The following DDX47 variants were observed in gnomAD, a reference collection of about 807,000 sequenced individuals.
DDX47 encodes DEAD-box helicase 47.
A neutral mutation model predicts 58.8 loss-of-function variants in DDX47; 60 were observed. That is an observed-to-expected ratio of 1.02 (90% CI 0.83 to 1.26). The LOEUF (loss-of-function observed/expected upper bound fraction) is 1.26, where lower values mean the gene tolerates loss of function less well. Ranked by LOEUF, DDX47 falls within the 50% of genes most tolerant of loss-of-function variation. The probability of loss-of-function intolerance (pLI) is 0.00; values close to 1 mark genes in which losing one functional copy is unlikely to be tolerated. For missense variants in DDX47, 530 were observed against 573.2 expected (o/e 0.92, Z 0.77); for synonymous variants, 197 against 204.6 (o/e 0.96, Z 0.32).
chr12:12,829,647 C>G lies in DDX47; in HGVS notation c.*93C>G. On this transcript the variant is annotated 3_prime_UTR_variant, in exon 12 of 12. Coordinates refer to ENST00000358007, the MANE Select transcript of DDX47 (RefSeq NM_016355.4). ...CAGAGATCATGAGACTGAAATTGGT[C>G]AGAATTGTGTCCAGAATGTGCTCAG... 2 of 1,470,834 alleles carry G rather than the reference C, an allele frequency of 1.4e-6. No individual in the cohort carries two copies. The highest frequency in any genetic ancestry group is 2.8e-5 in the African/African-American group (2 of 70,854). The allele number at this position is 1,470,834 out of a possible 1,614,324, so 91.1% of individuals were successfully genotyped here. A position where few individuals can be genotyped will look rare whatever the true frequency, so the allele number is the denominator to read the frequency against.
chr12:12,824,069 ACCT>A lies in DDX47; in HGVS notation c.897+57_897+59del, dbSNP rs1329965898. On this transcript the variant is annotated intron_variant, in intron 8 of 11. Transcript: ENST00000358007. ...TGCACTGGTGGCGTGAGCGAGATAA[ACCT>A]CCTAACAGTAGGTTTGTACAATAAG... 6 of 1,576,956 alleles carry A rather than the reference ACCT, an allele frequency of 3.8e-6. No individual in the cohort carries two copies. In the African/African-American group the frequency reaches 4.1e-5, roughly 11 times the overall value.
At chr12:12,819,769 T>C (rs1024700345) in intron 2 of DDX47, among the ~76,000 whole-genome samples, 6 of 152,220 alleles carry the variant, frequency 3.9e-5, no homozygotes, top group Non-Finnish European at 1.5e-5. Context: ...AGTTTTTGGC[T>C]TTTGAGTGTC....
Position 12,827,346 on chromosome 12 carries a change from G to T in DDX47, c.1207G>T (p.Val403Phe), listed in dbSNP as rs763297686. ...DDEVMMLTERVAEAQRFARME... is the reference protein window; with the variant it reads ...DDEVMMLTERFAEAQRFARME... The stretch of plus-strand genomic sequence containing the variant: ...TGAGGTTATGATGCTGACAGAACGC[G>T]TCGCTGAAGCCCAAAGGTTTGCCCG... The change falls in exon 11 of 12, where the codon GTC (valine) becomes TTC (phenylalanine). Residue 403 changes from valine to phenylalanine, a missense_variant. Coordinates refer to ENST00000358007, the MANE Select transcript of DDX47 (RefSeq NM_016355.4). 1.2e-6 allele frequency: 2 copies of T among 1,614,018 alleles called. No homozygotes were observed. The highest frequency in any genetic ancestry group is 1.3e-5 in the African/African-American group (1 of 74,914).
At chr12:12,818,142 C>T (rs990244157) in intron 2 of DDX47, among the ~76,000 whole-genome samples, 3 of 152,112 alleles carry the variant, frequency 2.0e-5, no homozygotes, top group African/African-American at 7.2e-5. Flanking sequence ...TTCATTGTTA[C>T]CTACCCTGCC....
rs757706233 is a variant in DDX47, at chr12:12,814,167, T to C, written c.124T>C (p.Leu42=). Residue 42 remains leucine, a synonymous_variant, in exon 2 of 12, where the codon TTG becomes CTG. Coordinates refer to ENST00000358007, the MANE Select transcript of DDX47 (RefSeq NM_016355.4). ...TDVLCEACDQ[L]GWTKPTKIQI... is the part of the protein sequence containing the mutation. ...TGTGTTGTGTGAAGCTTGTGACCAG[T>C]TGGGATGGACAAAACCCACCAAGAT... The C allele has an allele frequency of 2.5e-6, 4 of 1,613,880 alleles. No individual in the cohort carries two copies. Among genetic ancestry groups the C allele is most frequent in the Middle Eastern group, 1.6e-4 (1 of 6,084 alleles).
At chr12:12,827,969 G>A (rs55708903) in intron 11 of DDX47, among the ~76,000 whole-genome samples, 2,101 of 138,164 alleles carry the variant, frequency 0.015, 42 homozygotes, top group African/African-American at 0.054. Flanking sequence ...TCCGCCTCCC[G>A]GGTTCAAGCG....
chr12:12,823,071 C>A, intron 6 of DDX47, 132 bp from the exon 7 acceptor site: 1 of 698,224 alleles, frequency 1.4e-6, no homozygotes, highest in Middle Eastern at 2.6e-4. Context: ...AATAACCTCC[C>A]ACCAGGTCCC....
chr12:12,821,427 T>C, intron 3 of DDX47, 31 bp downstream of exon 3: 1 of 1,612,506 alleles, frequency 6.2e-7, no homozygotes, highest in African/African-American at 1.3e-5. Flanking sequence ...GGATCCTAGG[T>C]TGCCATCACA....
At chr12:12,828,216 C>T (rs1243908404) in intron 11 of DDX47, among the ~76,000 whole-genome samples, 1 of 152,022 alleles carries the variant, frequency 6.6e-6, no homozygotes, top group Non-Finnish European at 1.5e-5. Flanking sequence ...CATGCCTGAC[C>T]TCGTGTGACA....
At chr12:12,827,495 G>A in intron 11 of DDX47, 120 bp downstream of exon 11, 1 of 1,225,840 alleles carries the variant, frequency 8.2e-7, no homozygotes, top group African/African-American at 1.5e-5. Context: ...CCAAATTTAA[G>A]ACGAGCAAAC....
At chr12:12,820,956 T>C (rs1412636214) in intron 2 of DDX47, among the ~76,000 whole-genome samples, 1 of 152,264 alleles carries the variant, frequency 6.6e-6, no homozygotes, top group Non-Finnish European at 1.5e-5. Flanking sequence ...GTGTTCTCGC[T>C]GTATTTTGCA....
At chr12:12,819,974 G>A (rs1862945427) in intron 2 of DDX47, among the ~76,000 whole-genome samples, 1 of 152,184 alleles carries the variant, frequency 6.6e-6, no homozygotes, top group African/African-American at 2.4e-5. Context: ...TTCAGGTTAT[G>A]TCAGGGAAAA....
chr12:12,822,301 C>G (rs1862986429), intron 5 of DDX47, among the ~76,000 whole-genome samples: 1 of 152,134 alleles, frequency 6.6e-6, no homozygotes, highest in Non-Finnish European at 1.5e-5. Context: ...TTTCTTTTCC[C>G]TTTCGTTTAA....
In DDX47 at chr12:12,821,724, T is replaced by C. The variant is rs1278854960; in HGVS notation, c.440T>C (p.Ile147Thr). The C allele has an allele frequency of 4.4e-6, 7 of 1,607,636 alleles. No homozygotes were observed. Among genetic ancestry groups the C allele is most frequent in the African/African-American group, 1.3e-5 (1 of 74,762 alleles). ...CTTGCAAAAAAACCACATATAATAA[T>C]AGGTGAGTAACTGACAAAGGTAAAA... ...LALAKKPHIIIATPGRLIDHL... is the reference protein window; with the variant it reads ...LALAKKPHIITATPGRLIDHL... Residue 147 changes from isoleucine (I) to threonine (T), a missense_variant and splice_region_variant, in exon 4 of 12, where the codon ATA becomes ACA. Transcript: ENST00000358007.
rs772360289 is a variant in DDX47 at position 12,823,953 on chromosome 12, A to G, written c.834A>G (p.Arg278=). 6.2e-7 allele frequency: 1 copy of G among 1,614,182 alleles called. No homozygotes were observed. Among genetic ancestry groups the G allele is most frequent in the South Asian group, 1.1e-5 (1 of 91,086 alleles). Residue 278 remains arginine, a synonymous_variant, in exon 8 of 12, where the codon AGA becomes AGG. Transcript: ENST00000358007. ...IFCSTCNNTQ[R]TALLLRNLGF... is the part of the protein sequence containing the mutation. Reference sequence around the variant, plus strand: ...GCAGCACCTGTAATAATACCCAGAGAACAGCTTTGCTACTGCGAAATCTTG... The same window carrying G: ...GCAGCACCTGTAATAATACCCAGAGGACAGCTTTGCTACTGCGAAATCTTG...
intron 2 of DDX47, among the ~76,000 whole-genome samples, chr12:12,816,771 C>T (rs959821772): frequency 1.3e-5 from 2 of 152,104 alleles, no homozygotes; most frequent in African/African-American, 4.8e-5. Flanking sequence ...GGATAAGGAC[C>T]GTATAAAGGC....
chr12:12,819,801 C>A (rs75996532), intron 2 of DDX47, among the ~76,000 whole-genome samples: 2 of 152,248 alleles, frequency 1.3e-5, no homozygotes, highest in Non-Finnish European at 2.9e-5. Context: ...ATGTGTGAGT[C>A]ACCCACATTT....
Position 12,814,090 on chromosome 12 carries a change from T to G in DDX47, c.88-41T>G, listed in dbSNP as rs746355958. 114 of 1,218,672 alleles carry G rather than the reference T, an allele frequency of 9.4e-5. No homozygotes were observed. The South Asian group carries it at 9.9e-4, about 11-fold the overall frequency. 75.5% of individuals were successfully genotyped at this position (1,218,672 alleles called of 1,614,324 possible). On this transcript the variant is annotated intron_variant, in intron 1 of 11. Transcript: ENST00000358007. Reference sequence around the variant, plus strand: ...CAGTTAAGTAGGAGGGAGGTAGGGGTGTGCTGTTCTTGGCTAAGGTATATT... The same window carrying G: ...CAGTTAAGTAGGAGGGAGGTAGGGGGGTGCTGTTCTTGGCTAAGGTATATT...
intron 2 of DDX47, among the ~76,000 whole-genome samples, chr12:12,819,384 C>T (rs1294969346): frequency 6.6e-6 from 1 of 150,846 alleles, no homozygotes; most frequent in East Asian, 1.9e-4. Context: ...TTTCTAGGTC[C>T]CAGCCAAGAC....
Sources: allele counts gnomAD v4.1 joint callset (sites outside exome capture counted in the v4.1 genomes callset), GRCh38; gene constraint gnomAD v4.1.1; transcripts MANE v1.5; gene names NCBI Gene and HGNC (gene_info 2026-07-23, HGNC 2026-07-21).